Variants in PPFIA2 observed in about 807,000 individuals in gnomAD.
PPFIA2 encodes the protein PPFI scaffold protein A2, also known as liprin-alpha-2.
In PPFIA2, 46 loss-of-function variants were observed where a neutral mutation model predicts 175.5. The ratio of observed to expected loss-of-function variants is 0.26; its 90% confidence interval spans 0.21 to 0.34. The LOEUF (loss-of-function observed/expected upper bound fraction) is 0.34, where lower values mean the gene tolerates loss of function less well. Among genes scored for constraint, PPFIA2 ranks in the 10% least tolerant of loss-of-function variants. The pLI, the probability that PPFIA2 is intolerant of heterozygous loss-of-function variation, is 1.00. For missense variants in PPFIA2, 1,179 were observed against 1,506.1 expected (o/e 0.78, Z 3.60); for synonymous variants, 568 against 511.4 (o/e 1.11, Z -1.49).
intron 4 of PPFIA2, among the ~76,000 whole-genome samples, chr12:81,469,807 C>T (rs186231011): frequency 7.5e-4 from 114 of 152,254 alleles, no homozygotes; most frequent in Admixed American, 1.2e-3. Flanking sequence ...GAGATGGGAA[C>T]GTTGGGAAAT....
intron 32 of PPFIA2, chr12:81,260,307 A>G (rs2034974441): frequency 1.3e-5 from 2 of 152,194 alleles, no homozygotes; most frequent in Non-Finnish European, 2.9e-5. Flanking sequence ...ATTAATGGTA[A>G]AAACTAGGAA....
rs1219596716 is a variant in PPFIA2 at position 81,284,321 on chromosome 12, A to T, written c.2926-18T>A. The T allele has an allele frequency of 6.5e-6, 10 of 1,536,034 alleles. No homozygotes were observed. Among genetic ancestry groups the T allele is most frequent in the Non-Finnish European group, 9.0e-6 (10 of 1,115,832 alleles). On this transcript the variant is annotated intron_variant, in intron 24 of 32. Coordinates refer to ENST00000549396, the MANE Select transcript of PPFIA2 (RefSeq NM_003625.5). ...CCTGAAGGCTAGTGAGGAGGCCCAG[A>T]GGGAAGCAGAGGAATCCATGGGAGG...
At chr12:81,712,792 G>T (rs948659177) in intron 3 of PPFIA2, among the ~76,000 whole-genome samples, 3 of 148,176 alleles carry the variant, frequency 2.0e-5, no homozygotes, top group Admixed American at 7.0e-5. Flanking sequence ...AGACTCTTAC[G>T]CTTTCAATTG....
chr12:81,727,164 C>T (rs545328634), intron 3 of PPFIA2, among the ~76,000 whole-genome samples: 1 of 151,430 alleles, frequency 6.6e-6, no homozygotes, highest in South Asian at 2.1e-4. Flanking sequence ...TGGGTTCCTT[C>T]CATACATTTC....
At chr12:81,721,144 C>T (rs904317916) in intron 3 of PPFIA2, among the ~76,000 whole-genome samples, 3 of 149,080 alleles carry the variant, frequency 2.0e-5, no homozygotes, top group Non-Finnish European at 4.5e-5. Flanking sequence ...ATTAATATTA[C>T]AGAAAAGGGG....
chr12:81,595,925 T>C (rs960343021), intron 4 of PPFIA2, among the ~76,000 whole-genome samples: 1 of 152,204 alleles, frequency 6.6e-6, no homozygotes, highest in African/African-American at 2.4e-5. Context: ...TTTAAGGAAG[T>C]AAGCATTAAA....
chr12:81,617,248 CTTTCT>C (rs2061499341), intron 4 of PPFIA2, among the ~76,000 whole-genome samples: 1 of 152,084 alleles, frequency 6.6e-6, no homozygotes, highest in African/African-American at 2.4e-5. Context: ...GAATTTGTCC[CTTTCT>C]TAATTGTTTT....
chr12:81,647,532 T>G (rs2066298461), intron 4 of PPFIA2, among the ~76,000 whole-genome samples: 1 of 151,504 alleles, frequency 6.6e-6, no homozygotes, highest in Admixed American at 6.6e-5. Flanking sequence ...GAGGTCGAGG[T>G]GAGCAGATCA....
At chr12:81,555,977 A>C (rs966833896) in intron 4 of PPFIA2, among the ~76,000 whole-genome samples, 19 of 151,864 alleles carry the variant, frequency 1.3e-4, no homozygotes, top group Admixed American at 1.1e-3. Context: ...TTCATCCTCT[A>C]AATTAAGTGT....
intron 3 of PPFIA2, among the ~76,000 whole-genome samples, chr12:81,708,960 CTCT>C (rs1184496501): frequency 6.6e-6 from 1 of 152,140 alleles, no homozygotes; most frequent in African/African-American, 2.4e-5. Flanking sequence ...TAAAATTGTT[CTCT>C]TCTTTTGTTA....
chr12:81,582,647 T>C (rs1198149094), intron 4 of PPFIA2, among the ~76,000 whole-genome samples: 1 of 151,782 alleles, frequency 6.6e-6, no homozygotes, highest in Non-Finnish European at 1.5e-5. Context: ...TCTTTCTTAT[T>C]AGATATATGT....
At chr12:81,352,761 T>C (rs1468470842) in intron 17 of PPFIA2, among the ~76,000 whole-genome samples, 1 of 152,194 alleles carries the variant, frequency 6.6e-6, no homozygotes, top group African/African-American at 2.4e-5. Context: ...TGTACGTGAT[T>C]ACCACACACA....
At chr12:81,648,882 G>T (rs139455345) in intron 4 of PPFIA2, among the ~76,000 whole-genome samples, 246 of 151,738 alleles carry the variant, frequency 1.6e-3, no homozygotes, top group African/African-American at 5.8e-3. Context: ...ATTTAAGGAA[G>T]AAATCATAGT....
At chr12:81,693,231 C>T (rs1392233977) in intron 3 of PPFIA2, among the ~76,000 whole-genome samples, 1 of 151,984 alleles carries the variant, frequency 6.6e-6, no homozygotes, top group African/African-American at 2.4e-5. Flanking sequence ...TGTTTGTCCC[C>T]ACCCAAATCT....
At chr12:81,643,443 C>G (rs2065634119) in intron 4 of PPFIA2, among the ~76,000 whole-genome samples, 1 of 151,996 alleles carries the variant, frequency 6.6e-6, no homozygotes, top group Non-Finnish European at 1.5e-5. Context: ...CTCTGGAATA[C>G]TTTCATTAGA....
intron 9 of PPFIA2, among the ~76,000 whole-genome samples, chr12:81,382,439 A>T (rs1159392286): frequency 6.6e-6 from 1 of 152,190 alleles, no homozygotes; most frequent in Non-Finnish European, 1.5e-5. Context: ...TGTTGAGCAC[A>T]GACTGAGGTG....
intron 4 of PPFIA2, among the ~76,000 whole-genome samples, chr12:81,584,993 T>TAGA (rs1448746179): frequency 3.9e-5 from 1 of 25,546 alleles, no homozygotes; most frequent in Non-Finnish European, 8.8e-5. Context: ...TATATTTATA[T>TAGA]ATAATATATT....
intron 4 of PPFIA2, among the ~76,000 whole-genome samples, chr12:81,657,083 C>T (rs2067907514): frequency 6.6e-6 from 1 of 151,948 alleles, no homozygotes; most frequent in African/African-American, 2.4e-5. Context: ...TTAATGTTTC[C>T]CTGACTGTAA....
chr12:81,658,951 GGAA>G (rs1464208928), intron 4 of PPFIA2, among the ~76,000 whole-genome samples: 1 of 151,996 alleles, frequency 6.6e-6, no homozygotes, highest in Non-Finnish European at 1.5e-5. Flanking sequence ...AATTTAACCA[GGAA>G]GTTGAATATA....
Sources: gnomAD v4.1 joint callset for allele counts (sites outside exome capture counted in the v4.1 genomes callset) on GRCh38, gnomAD v4.1.1 for gene constraint, MANE v1.5 for transcripts, NCBI Gene and HGNC (gene_info 2026-07-23, HGNC 2026-07-21) for gene names.